The following XPR1 variants were observed in gnomAD, a reference collection of about 807,000 sequenced individuals.
XPR1 encodes xenotropic and polytropic retrovirus receptor 1, also known as solute carrier family 53 member 1.
XPR1 carries 28 observed loss-of-function variants against 87.5 expected under a neutral mutation model. The ratio of observed to expected loss-of-function variants is 0.32; its 90% CI spans 0.24 to 0.44. The LOEUF (loss-of-function observed/expected upper bound fraction) is 0.44, where lower values mean the gene tolerates loss of function less well. Among genes scored for constraint, XPR1 ranks in the 20% least tolerant of loss-of-function variants. The pLI is 1.00. For synonymous variants in XPR1, 300 were observed against 306.1 expected (o/e 0.98, Z 0.21); for missense variants, 559 against 862.3 (o/e 0.65, Z 4.41).
At chr1:180,873,663 A>T in intron 12 of XPR1, 140 bp from the exon 13 acceptor site, 1 of 945,736 alleles carries the variant, frequency 1.1e-6, no homozygotes, top group South Asian at 2.0e-5. Flanking sequence ...TCCCTGCAAA[A>T]TAAAGTACAA....
intron 2 of XPR1, among the ~76,000 whole-genome samples, chr1:180,771,384 A>G (rs1035865493): frequency 1.3e-5 from 2 of 152,202 alleles, no homozygotes; most frequent in African/African-American, 4.8e-5. Flanking sequence ...ATATTACAGA[A>G]GAGTTCATAT....
chr1:180,818,179 A>C (rs951476315), intron 7 of XPR1, among the ~76,000 whole-genome samples: 1 of 152,184 alleles, frequency 6.6e-6, no homozygotes, highest in African/African-American at 2.4e-5. Flanking sequence ...GAGGCTTCTC[A>C]TATTCTTTAT....
intron 2 of XPR1, among the ~76,000 whole-genome samples, chr1:180,762,252 C>T (rs574168719): frequency 1.1e-4 from 16 of 151,482 alleles, no homozygotes; most frequent in African/African-American, 3.9e-4. Flanking sequence ...GCACATGTAC[C>T]CTAAAACTTA....
chr1:180,865,839 CAAAAT>C (rs1652372680), intron 12 of XPR1, among the ~76,000 whole-genome samples: 1 of 152,032 alleles, frequency 6.6e-6, no homozygotes, highest in Admixed American at 6.6e-5. Flanking sequence ...CTCTAAAAAA[CAAAAT>C]AAATACTTTC....
rs571104251 is a variant in XPR1 at position 180,815,275 on chromosome 1, A to G, written c.763+3787A>G. 2.2e-3 allele frequency among the ~76,000 whole-genome samples: 339 copies of G among 151,988 alleles called. 1 individual carries two copies. The highest frequency in any genetic ancestry group is 7.9e-3 in the African/African-American group (328 of 41,442). The stretch of plus-strand genomic sequence containing the variant: ...TTTTTTTGTTTAGTATATACAGACT[A>G]TGTTTTTGTAAGACATTCTGATTTG... On this transcript the variant is annotated intron_variant, in intron 7 of 14. Coordinates refer to ENST00000367590, the MANE Select transcript of XPR1 (RefSeq NM_004736.4).
intron 2 of XPR1, among the ~76,000 whole-genome samples, chr1:180,725,857 A>C (rs73034855): frequency 2.0e-5 from 3 of 152,210 alleles, no homozygotes; most frequent in Non-Finnish European, 4.4e-5. Flanking sequence ...TGTGCCCTTA[A>C]GCAAGTTTTG....
intron 2 of XPR1, among the ~76,000 whole-genome samples, chr1:180,761,755 G>C (rs1447405424): frequency 2.6e-5 from 4 of 152,130 alleles, no homozygotes; most frequent in African/African-American, 9.7e-5. Context: ...ATTTGACCCA[G>C]CCATCCCATT....
At chr1:180,822,767 A>G (rs1389854246) in intron 7 of XPR1, among the ~76,000 whole-genome samples, 1 of 152,204 alleles carries the variant, frequency 6.6e-6, no homozygotes, top group Non-Finnish European at 1.5e-5. Context: ...TTGATCAACA[A>G]AGAAACAGAG....
At chr1:180,879,908 C>T (rs1015280608) in intron 13 of XPR1, among the ~76,000 whole-genome samples, 168 bp from the exon 14 acceptor site, 8 of 152,178 alleles carry the variant, frequency 5.3e-5, no homozygotes, top group Middle Eastern at 3.4e-3. Flanking sequence ...TTCCCTTACC[C>T]CCCCACCACC....
chr1:180,776,845 C>T (rs10798790), intron 2 of XPR1, among the ~76,000 whole-genome samples: 51,527 of 151,844 alleles, frequency 0.34, 9,126 homozygotes, highest in Non-Finnish European at 0.38. Flanking sequence ...TTACATGTCA[C>T]TGTTATAAGT....
In XPR1 at chr1:180,748,652, A is replaced by G. The variant is rs533254254; in HGVS notation, c.122-39101A>G. Among the ~76,000 whole-genome samples, 3 of 152,092 alleles carry G rather than the reference A, an allele frequency of 2.0e-5. No individual in the cohort carries two copies. The South Asian group carries it at 6.2e-4, about 32-fold the overall frequency. On this transcript the variant is annotated intron_variant, in intron 2 of 14. Coordinates refer to ENST00000367590, the MANE Select transcript of XPR1 (RefSeq NM_004736.4). ...AGGCTGGCCTAGAACTCCTGACCCC[A>G]GGTGATCCACCCACCTCAGCCTCCC...
At chr1:180,865,786 A>T (rs912640735) in intron 12 of XPR1, among the ~76,000 whole-genome samples, 15 of 152,254 alleles carry the variant, frequency 9.9e-5, no homozygotes, top group African/African-American at 3.6e-4. Context: ...ATTAGTGAAT[A>T]TAATTTTTCA....
chr1:180,726,042 A>G (rs1168367603), intron 2 of XPR1, among the ~76,000 whole-genome samples: 2 of 152,202 alleles, frequency 1.3e-5, no homozygotes, highest in South Asian at 2.1e-4. Flanking sequence ...TCCTGGGTTG[A>G]GTGGGGACTT....
intron 2 of XPR1, among the ~76,000 whole-genome samples, chr1:180,757,750 C>G (rs563938855): frequency 6.6e-6 from 1 of 151,202 alleles, no homozygotes; most frequent in Non-Finnish European, 1.5e-5. Flanking sequence ...AAACTTCTGG[C>G]CTCAAGCGAT....
chr1:180,809,323 A>G (rs1043980208), intron 6 of XPR1, among the ~76,000 whole-genome samples: 1 of 152,154 alleles, frequency 6.6e-6, no homozygotes, highest in Non-Finnish European at 1.5e-5. Context: ...AGTCGTGGAT[A>G]TGTTCTTTGT....
intron 1 of XPR1, among the ~76,000 whole-genome samples, chr1:180,645,871 G>T (rs1347114851): frequency 1.3e-5 from 2 of 152,178 alleles, no homozygotes; most frequent in Non-Finnish European, 2.9e-5. Context: ...CCAGAAAGCC[G>T]TCTAGTCATG....
intron 2 of XPR1, among the ~76,000 whole-genome samples, chr1:180,782,838 C>A (rs1648994034): frequency 6.6e-6 from 1 of 151,758 alleles, no homozygotes; most frequent in South Asian, 2.1e-4. Context: ...AGTGATTTTT[C>A]TATAAAACTT....
In XPR1 at chr1:180,886,613, A is replaced by G. The variant is rs927574057; in HGVS notation, c.*2547A>G. On this transcript the variant is annotated 3_prime_UTR_variant, in exon 15 of 15. Coordinates refer to ENST00000367590, the MANE Select transcript of XPR1 (RefSeq NM_004736.4). ...TCTATTCAAAAATAAGGCTTATGTA[A>G]CTTTCAGCTTGCTATGTGACAGAAG... The G allele has an allele frequency of 6.6e-6, 1 of 152,356 alleles. No homozygotes were observed. The highest frequency in any genetic ancestry group is 6.5e-5 in the Admixed American group (1 of 15,296). The allele number at this position is 152,356 out of a possible 1,614,324, so 9.4% of individuals were successfully genotyped here.
At chr1:180,839,721 A>AG (rs1212655188) in intron 11 of XPR1, among the ~76,000 whole-genome samples, 3 of 152,164 alleles carry the variant, frequency 2.0e-5, no homozygotes, top group African/African-American at 7.2e-5. Context: ...TAGGGGTTGG[A>AG]GGGGGGCTTA....
Sources: allele counts gnomAD v4.1 joint callset (sites outside exome capture counted in the v4.1 genomes callset), GRCh38; gene constraint gnomAD v4.1.1; transcripts MANE v1.5; gene names NCBI Gene and HGNC (gene_info 2026-07-23, HGNC 2026-07-21).